ZAR1L: variants seen among roughly 807,000 people sequenced by gnomAD.
The protein encoded by ZAR1L is zygote arrest 1 like, also known as protein ZAR1-like.
In ZAR1L, 16 loss-of-function variants were observed where a neutral mutation model predicts 30.0. That is an observed-to-expected ratio of 0.53 (90% CI 0.36 to 0.81). The LOEUF (loss-of-function observed/expected upper bound fraction) is 0.81, where lower values mean the gene tolerates loss of function less well. Ranked by LOEUF, ZAR1L falls within the 30% of genes least tolerant of loss-of-function variation. The probability of loss-of-function intolerance (pLI) is 0.00; values close to 1 mark genes in which losing one functional copy is unlikely to be tolerated. For synonymous variants in ZAR1L, 197 were observed against 166.8 expected, an observed-to-expected ratio of 1.18 and a Z score of -1.40; for missense variants, 392 against 417.2, an observed-to-expected ratio of 0.94 and a Z score of 0.53.
Position 32,310,715 on chromosome 13 carries a change from T to A in ZAR1L, c.671A>T (p.Tyr224Phe), listed in dbSNP as rs1258454503. 1.3e-6 allele frequency: 2 copies of A among 1,551,242 alleles called. No individual in the cohort carries two copies. The highest frequency in any genetic ancestry group is 1.7e-6 in the Non-Finnish European group (2 of 1,146,684). ...ACAATCTTTACAGTGGAAATAGCCA[T>A]ATTTTGGTTCCAAAAACTGAAAATA... ...RPNFQFLEPKYGYFHCKDCKT... is the reference protein window; with the variant it reads ...RPNFQFLEPKFGYFHCKDCKT... Residue 224 changes from tyrosine (Y) to phenylalanine (F), a missense_variant, in exon 4 of 6, where the codon TAT becomes TTT. By Grantham distance (22) the Tyr-to-Phe change is conservative. Transcript: ENST00000533490.
At position 32,311,620 on chromosome 13, in the gene ZAR1L, A is replaced by G. The variant is rs892112009; in HGVS notation, c.306T>C (p.Ala102=). 1.9e-6 allele frequency: 3 copies of G among 1,550,754 alleles called. No individual in the cohort carries two copies. The highest frequency in any genetic ancestry group is 2.6e-6 in the Non-Finnish European group (3 of 1,146,908). Residue 102 remains alanine, a synonymous_variant, in exon 3 of 6, where the codon GCT becomes GCC. Transcript: ENST00000533490. The part of the protein sequence containing the change: ...GVQVSPRVDK[A]VQCSLGPRTL... The stretch of plus-strand genomic sequence containing the variant: ...TGCGAGGCCCCAGAGAGCACTGCAC[A>G]GCCTTGTCCACCCGCGGGCTCACCT...
intron 4 of ZAR1L, among the ~76,000 whole-genome samples, chr13:32,309,464 C>G (rs2072198446): frequency 6.6e-6 from 1 of 152,186 alleles, no homozygotes; most frequent in South Asian, 2.1e-4. Context: ...CTTTAAATTA[C>G]TTGTGGTTAC....
At position 32,311,325 on chromosome 13, in the gene ZAR1L, T is replaced by C; in HGVS notation, c.601A>G (p.Lys201Glu). The change falls in exon 3 of 6, where the codon AAG (lysine) becomes GAG (glutamate). Residue 201 changes from lysine (K) to glutamate (E), a missense_variant. By Grantham distance (56) the Lys-to-Glu change is moderately conservative. Transcript: ENST00000533490. The part of the protein sequence containing the change: ...DAPCPQETKS[K>E]QVPGDAASEP... ...GAGGCGGCGTCTCCAGGCACCTGCT[T>C]GCTCTTCGTCTCCTGAGGGCACGGG... The C allele has an allele frequency of 6.4e-7, 1 of 1,550,782 alleles. No individual in the cohort carries two copies. Among genetic ancestry groups the C allele is most frequent in the South Asian group, 1.2e-5 (1 of 84,052 alleles).
At chr13:32,307,820 T>G (rs1051899577) in intron 5 of ZAR1L, among the ~76,000 whole-genome samples, 10 of 152,204 alleles carry the variant, frequency 6.6e-5, no homozygotes, top group African/African-American at 2.4e-4. Flanking sequence ...TAATTATTTT[T>G]GAGATGGAGT....
intron 2 of ZAR1L, among the ~76,000 whole-genome samples, chr13:32,313,077 G>C (rs550627560): frequency 1.3e-5 from 2 of 152,298 alleles, no homozygotes; most frequent in South Asian, 4.1e-4. Context: ...AAGTTGGGGG[G>C]AATGGAGAGA....
intron 3 of ZAR1L, 85 bp from the exon 4 acceptor site, chr13:32,310,816 A>C: frequency 1.1e-6 from 1 of 878,546 alleles, no homozygotes; most frequent in Non-Finnish European, 1.8e-6. Context: ...TAAGGAAAAA[A>C]AAATGACTTC....
At position 32,310,684 on chromosome 13, in the gene ZAR1L, G is replaced by A. The variant is rs573314399; in HGVS notation, c.702C>T (p.Thr234=). 14 of 1,551,434 alleles carry A rather than the reference G, an allele frequency of 9.0e-6. No homozygotes were observed. In the East Asian group the frequency reaches 2.4e-4, roughly 27 times the overall value. ...YGYFHCKDCK[T]RWESAYVWCI... ...ACCACACGTAAGCACTCTCCCACCTGGTCTTACAATCTTTACAGTGGAAAT... is the reference window on the plus strand; with the variant it reads ...ACCACACGTAAGCACTCTCCCACCTAGTCTTACAATCTTTACAGTGGAAAT... The change falls in exon 4 of 6, where the codon ACC becomes ACT. Residue 234 remains threonine, a synonymous_variant. Transcript: ENST00000533490.
intron 5 of ZAR1L, among the ~76,000 whole-genome samples, chr13:32,304,626 C>T (rs140559166): frequency 4.2e-4 from 64 of 152,174 alleles, no homozygotes; most frequent in African/African-American, 1.3e-3. Context: ...TTCTTCTTTT[C>T]GATGTGCCCA....
intron 5 of ZAR1L, among the ~76,000 whole-genome samples, chr13:32,308,262 T>C (rs1390470394): frequency 3.3e-5 from 5 of 152,208 alleles, no homozygotes; most frequent in African/African-American, 7.2e-5. Flanking sequence ...TCTAATACTA[T>C]CCATCTAACC....
rs978179720 is a variant in ZAR1L at position 32,308,778 on chromosome 13, T to C, written c.748-18A>G. The C allele has an allele frequency of 2.0e-6, 3 of 1,520,326 alleles. No individual in the cohort carries two copies. In the Admixed American group the frequency reaches 5.9e-5, roughly 30 times the overall value. 94.2% of individuals were successfully genotyped at this position (1,520,326 alleles called of 1,614,324 possible). A position where few individuals can be genotyped will look rare whatever the true frequency, so the allele number is the denominator to read the frequency against. Reference sequence around the variant, plus strand: ...AAATAAACCTAAAGAGAAATATGTTTTTTTTTAATACAAGCTTTTATACAC... The same window carrying C: ...AAATAAACCTAAAGAGAAATATGTTCTTTTTTAATACAAGCTTTTATACAC... On this transcript the variant is annotated intron_variant, in intron 4 of 5. Transcript: ENST00000533490.
In ZAR1L at chr13:32,311,382, C is replaced by T. The variant is rs994294492; in HGVS notation, c.544G>A (p.Gly182Arg). 6 of 1,550,632 alleles carry T rather than the reference C, an allele frequency of 3.9e-6. No individual in the cohort carries two copies. The South Asian group carries it at 5.9e-5, about 15-fold the overall frequency. The change falls in exon 3 of 6, where the codon GGG (glycine) becomes AGG (arginine). Residue 182 changes from glycine (G) to arginine (R), a missense_variant. Transcript: ENST00000533490. ...RSGADRQEEP[G>R]QLEESGEKDA... ...TTCTCCCCCGATTCCTCCAGCTGCC[C>T]GGGCTCCTCCTGCCTGTCAGCTCCT... is the stretch of plus-strand genomic sequence containing the variant.
At chr13:32,305,363 A>T (rs1386241031) in intron 5 of ZAR1L, among the ~76,000 whole-genome samples, 1 of 151,800 alleles carries the variant, frequency 6.6e-6, no homozygotes, top group African/African-American at 2.4e-5. Context: ...AGTAGCTGGG[A>T]CTACAGGCGC....
chr13:32,312,417 A>G (rs1288485072), intron 2 of ZAR1L, among the ~76,000 whole-genome samples: 1 of 152,240 alleles, frequency 6.6e-6, no homozygotes, highest in African/African-American at 2.4e-5. Context: ...GTATTTACCC[A>G]AAGGAAATGA....
At chr13:32,308,435 C>G (rs1307241033) in intron 5 of ZAR1L, among the ~76,000 whole-genome samples, 1 of 152,232 alleles carries the variant, frequency 6.6e-6, no homozygotes, top group African/African-American at 2.4e-5. Flanking sequence ...TACATTCTAA[C>G]TATGCCCAGG....
intron 5 of ZAR1L, among the ~76,000 whole-genome samples, chr13:32,304,561 G>A (rs1350972312): frequency 2.0e-5 from 3 of 152,122 alleles, no homozygotes; most frequent in East Asian, 1.9e-4. Flanking sequence ...ATATATTTTG[G>A]GTTGTTAAAA....
At chr13:32,310,590 C>T (rs2072205329) in intron 4 of ZAR1L, 49 bp downstream of exon 4, 1 of 1,250,754 alleles carries the variant, frequency 8.0e-7, no homozygotes, top group African/African-American at 1.5e-5. Context: ...CCCCGCTTAC[C>T]ATCCGTGCCC....
intron 2 of ZAR1L, among the ~76,000 whole-genome samples, chr13:32,313,225 C>T (rs1019074747): frequency 2.6e-5 from 4 of 152,130 alleles, no homozygotes; most frequent in South Asian, 2.1e-4. Flanking sequence ...GTGCTCTCAC[C>T]GCACACAAAA....
intron 2 of ZAR1L, among the ~76,000 whole-genome samples, chr13:32,313,558 G>C (rs2072228766): frequency 1.3e-5 from 2 of 152,174 alleles, no homozygotes; most frequent in Non-Finnish European, 2.9e-5. Flanking sequence ...GTAGAGACAG[G>C]GTTTTGCCAT....
At chr13:32,308,633 G>T in intron 5 of ZAR1L, 53 bp downstream of exon 5, 1 of 1,333,068 alleles carries the variant, frequency 7.5e-7, no homozygotes, top group Non-Finnish European at 1.0e-6. Context: ...TGTCACAGAG[G>T]CTTCATTTTA....
Sources: allele counts gnomAD v4.1 joint callset (sites outside exome capture counted in the v4.1 genomes callset), GRCh38; gene constraint gnomAD v4.1.1; transcripts MANE v1.5; gene names NCBI Gene and HGNC (gene_info 2026-07-23, HGNC 2026-07-21).